The following TRPM3 variants were observed in gnomAD, a reference collection of about 807,000 sequenced individuals.
TRPM3 encodes the protein transient receptor potential cation channel subfamily M member 3, also known as long transient receptor potential channel 3.
TRPM3 carries 77 observed loss-of-function variants against 181.2 expected under a neutral mutation model. That is an observed-to-expected ratio of 0.42 (90% confidence interval 0.35 to 0.51). TRPM3 has a LOEUF of 0.51. Among genes scored for constraint, TRPM3 ranks in the 20% least tolerant of loss-of-function variants. The pLI is 0.01. For synonymous variants in TRPM3, 745 were observed against 796.4 expected, an observed-to-expected ratio of 0.94 and a Z score of 1.09; for missense variants, 1,759 against 2,196.7, an observed-to-expected ratio of 0.80 and a Z score of 3.98.
chr9:71,343,169 T>G (rs1328084787), intron 1 of TRPM3, among the ~76,000 whole-genome samples: 1 of 152,012 alleles, frequency 6.6e-6, no homozygotes, highest in Non-Finnish European at 1.5e-5. Context: ...ATTTTTTAAG[T>G]ATAATTTTGA....
intron 1 of TRPM3, among the ~76,000 whole-genome samples, chr9:71,400,930 G>T (rs1275854745): frequency 6.6e-6 from 1 of 152,038 alleles, no homozygotes; most frequent in Non-Finnish European, 1.5e-5. Flanking sequence ...GGGTACAGTG[G>T]CTCATGCCTG....
intron 1 of TRPM3, among the ~76,000 whole-genome samples, chr9:71,267,223 C>T (rs902183766): frequency 6.6e-6 from 1 of 152,218 alleles, no homozygotes; most frequent in South Asian, 2.1e-4. Context: ...TTAGAAAAGC[C>T]CTCTAAGTTA....
intron 25 of TRPM3, among the ~76,000 whole-genome samples, chr9:70,548,668 G>A (rs17457721): frequency 0.23 from 35,289 of 152,162 alleles, 4,823 homozygotes; most frequent in Admixed American, 0.31. Flanking sequence ...CCTATGTTTC[G>A]TAATATTCTG....
At chr9:70,940,723 G>A (rs1589940121) in intron 1 of TRPM3, among the ~76,000 whole-genome samples, 1 of 152,200 alleles carries the variant, frequency 6.6e-6, no homozygotes, top group Non-Finnish European at 1.5e-5. Context: ...AACTAACACT[G>A]AAGGATGAGG....
At chr9:71,060,560 C>T (rs2061210078) in intron 1 of TRPM3, among the ~76,000 whole-genome samples, 1 of 152,116 alleles carries the variant, frequency 6.6e-6, no homozygotes, top group Non-Finnish European at 1.5e-5. Flanking sequence ...TAAGGGGTAA[C>T]CCTATGTGGA....
intron 3 of TRPM3, among the ~76,000 whole-genome samples, chr9:70,849,815 T>G (rs910697785): frequency 4.6e-5 from 7 of 152,118 alleles, no homozygotes; most frequent in African/African-American, 1.7e-4. Flanking sequence ...TTATATAAGA[T>G]TATCCAGGAG....
At chr9:71,286,495 T>C (rs147029928) in intron 1 of TRPM3, among the ~76,000 whole-genome samples, 1,547 of 152,156 alleles carry the variant, frequency 0.01, 28 homozygotes, top group African/African-American at 0.033. Flanking sequence ...AGCTTTTTGG[T>C]CATTTGTGAC....
chr9:70,592,965 T>C (rs2058381351), intron 21 of TRPM3, among the ~76,000 whole-genome samples: 1 of 152,046 alleles, frequency 6.6e-6, no homozygotes, highest in Admixed American at 6.6e-5. Flanking sequence ...CTCCTGAACT[T>C]GTGAGCCACC....
intron 22 of TRPM3, among the ~76,000 whole-genome samples, chr9:70,582,233 T>C (rs2056044594): frequency 6.6e-6 from 1 of 151,990 alleles, no homozygotes; most frequent in African/African-American, 2.4e-5. Context: ...GATCACTACA[T>C]TTAATTTAAT....
chr9:71,298,376 A>G (rs1388234989), intron 1 of TRPM3, among the ~76,000 whole-genome samples: 1 of 152,162 alleles, frequency 6.6e-6, no homozygotes, highest in African/African-American at 2.4e-5. Flanking sequence ...TCTAAGCTCA[A>G]GGGATGAATA....
intron 9 of TRPM3, among the ~76,000 whole-genome samples, chr9:70,665,354 T>G (rs2061701363): frequency 6.6e-6 from 1 of 152,196 alleles, no homozygotes. Flanking sequence ...TAATTAAATA[T>G]GTCTGTCTCC....
intron 1 of TRPM3, among the ~76,000 whole-genome samples, chr9:71,039,508 G>A (rs1309626196): frequency 2.0e-5 from 3 of 152,130 alleles, no homozygotes; most frequent in Non-Finnish European, 4.4e-5. Flanking sequence ...GATGGAAAAT[G>A]TACATTTTCA....
intron 1 of TRPM3, among the ~76,000 whole-genome samples, chr9:71,008,381 T>A (rs974699019): frequency 2.0e-5 from 3 of 150,312 alleles, no homozygotes; most frequent in African/African-American, 4.9e-5. Context: ...AAAAAAAAAA[T>A]GGAAAATGCT....
intron 1 of TRPM3, among the ~76,000 whole-genome samples, chr9:71,168,535 G>GATTT (rs1157301406): frequency 5.9e-4 from 40 of 67,830 alleles, no homozygotes; most frequent in African/African-American, 1.2e-3. Context: ...TTTAAGGTGT[G>GATTT]ATTTATTTAT....
intron 1 of TRPM3, among the ~76,000 whole-genome samples, chr9:71,216,802 C>T (rs1434910523): frequency 6.6e-6 from 1 of 152,124 alleles, no homozygotes; most frequent in East Asian, 1.9e-4. Context: ...GAATTGAATA[C>T]AACCATAATA....
At chr9:71,437,009 A>C (rs975577419) in intron 1 of TRPM3, among the ~76,000 whole-genome samples, 2 of 152,204 alleles carry the variant, frequency 1.3e-5, no homozygotes, top group Non-Finnish European at 2.9e-5. Flanking sequence ...TCCACAATTA[A>C]TGGGTCAAAT....
chr9:71,267,056 C>T (rs756956195), intron 1 of TRPM3, among the ~76,000 whole-genome samples: 8 of 151,956 alleles, frequency 5.3e-5, no homozygotes, highest in Non-Finnish European at 1.2e-4. Context: ...CGCTGTTAGT[C>T]ATCTATGGCA....
At chr9:70,562,092 C>A (rs2049249815) in intron 22 of TRPM3, among the ~76,000 whole-genome samples, 1 of 151,884 alleles carries the variant, frequency 6.6e-6, no homozygotes, top group East Asian at 1.9e-4. Context: ...AACTTGTGAC[C>A]CTAAATCTTT....
At chr9:71,300,219 T>A (rs2086646735) in intron 1 of TRPM3, among the ~76,000 whole-genome samples, 1 of 152,142 alleles carries the variant, frequency 6.6e-6, no homozygotes, top group Non-Finnish European at 1.5e-5. Flanking sequence ...ACATTAACTT[T>A]GTAAAAACTT....
Sources: allele counts gnomAD v4.1 joint callset (sites outside exome capture counted in the v4.1 genomes callset), GRCh38; gene constraint gnomAD v4.1.1; transcripts MANE v1.5; gene names NCBI Gene and HGNC (gene_info 2026-07-23, HGNC 2026-07-21).